Variants in CDH4 observed in about 807,000 individuals in gnomAD.
CDH4 encodes the protein cadherin 4.
CDH4 carries 33 observed loss-of-function variants against 86.0 expected under a neutral mutation model. That is an observed-to-expected ratio of 0.38 (90% CI 0.29 to 0.51). CDH4 has a LOEUF of 0.51. CDH4 is among the 20% of genes least tolerant of loss of function. The pLI is 0.86. For synonymous variants in CDH4, 555 were observed against 549.4 expected, an observed-to-expected ratio of 1.01 and a Z score of -0.14; for missense variants, 1,114 against 1,307.4, an observed-to-expected ratio of 0.85 and a Z score of 2.28.
chr20:61,891,608 G>C (rs976453904), intron 7 of CDH4, among the ~76,000 whole-genome samples: 2 of 152,238 alleles, frequency 1.3e-5, no homozygotes, highest in Non-Finnish European at 2.9e-5. Context: ...AGGGCTGCAT[G>C]ATGAGGCACA....
chr20:61,861,496 C>T (rs555843773), intron 6 of CDH4, among the ~76,000 whole-genome samples: 6 of 152,322 alleles, frequency 3.9e-5, no homozygotes, highest in South Asian at 2.1e-4. Context: ...GTCTCCTGAA[C>T]GCCCCTGCTA....
chr20:61,840,598 G>T (rs1312583975), intron 4 of CDH4, among the ~76,000 whole-genome samples: 3 of 152,230 alleles, frequency 2.0e-5, no homozygotes, highest in African/African-American at 7.2e-5. Flanking sequence ...TAACAAATGC[G>T]GAAGAGCGTG....
At chr20:61,485,920 C>T (rs1199198742) in intron 2 of CDH4, among the ~76,000 whole-genome samples, 2 of 152,242 alleles carry the variant, frequency 1.3e-5, no homozygotes, top group Non-Finnish European at 2.9e-5. Flanking sequence ...ACTCCCAACA[C>T]ACGCACCCAC....
At chr20:61,732,981 C>T (rs886485418) in intron 2 of CDH4, among the ~76,000 whole-genome samples, 3 of 152,146 alleles carry the variant, frequency 2.0e-5, no homozygotes, top group African/African-American at 7.2e-5. Context: ...CAGCTGGGGG[C>T]CTAATTCTCC....
chr20:61,661,093 G>GGGGGGGGGGC (rs907816921), intron 2 of CDH4, among the ~76,000 whole-genome samples: 3 of 102,206 alleles, frequency 2.9e-5, no homozygotes, highest in Non-Finnish European at 7.8e-5. Context: ...GCGGGGGGGG[G>GGGGGGGGGGC]GGAGACACAG....
intron 2 of CDH4, among the ~76,000 whole-genome samples, chr20:61,328,056 G>A (rs992275400): frequency 1.3e-5 from 2 of 152,224 alleles, no homozygotes; most frequent in African/African-American, 4.8e-5. Context: ...TTTTTAGAAA[G>A]ATATTTGTTA....
chr20:61,660,833 G>A lies in CDH4; in HGVS notation c.170-82730G>A, dbSNP rs2087246503. Reference sequence around the variant, plus strand: ...GGACTCCCGCGTGGAACACCCAGCAGGGGTGGAGGAGCCTCTTTGCCCGGT... The same window carrying A: ...GGACTCCCGCGTGGAACACCCAGCAAGGGTGGAGGAGCCTCTTTGCCCGGT... On this transcript the variant is annotated intron_variant, in intron 2 of 15. Transcript: ENST00000614565. 2.0e-5 allele frequency among the ~76,000 whole-genome samples: 3 copies of A among 152,324 alleles called. No individual in the cohort carries two copies. In the South Asian group the frequency reaches 6.2e-4, roughly 32 times the overall value.
intron 2 of CDH4, among the ~76,000 whole-genome samples, chr20:61,574,598 A>C (rs897358240): frequency 2.0e-5 from 3 of 152,212 alleles, no homozygotes; most frequent in Admixed American, 6.5e-5. Flanking sequence ...AAGTATAAAA[A>C]TATTGCAGAG....
chr20:61,772,409 C>G lies in CDH4; in HGVS notation c.397-594C>G, dbSNP rs574817218. 5.3e-5 allele frequency among the ~76,000 whole-genome samples: 8 copies of G among 152,308 alleles called. 1 individual carries two copies. The South Asian group carries it at 1.7e-3, about 32-fold the overall frequency. On this transcript the variant is annotated intron_variant, in intron 3 of 15. Transcript: ENST00000614565. The stretch of plus-strand genomic sequence containing the variant: ...TACTTAGATATGCATTATTTGATTA[C>G]TGGGAGATGTGGATATTTTTCATAA...
Position 61,637,755 on chromosome 20 carries a change from T to C in CDH4, c.170-105808T>C, listed in dbSNP as rs560911822. The stretch of plus-strand genomic sequence containing the variant: ...TGAAAATATGGCCGGGTGTGGTGGC[T>C]CATGCCTGTAATCCCAGCACTTTGG... On this transcript the variant is annotated intron_variant, in intron 2 of 15. Coordinates refer to ENST00000614565, the MANE Select transcript of CDH4 (RefSeq NM_001794.5). Among the ~76,000 whole-genome samples, 93 of 152,290 alleles carry C rather than the reference T, an allele frequency of 6.1e-4. 1 individual carries two copies. In the South Asian group the frequency reaches 0.019, roughly 32 times the overall value.
intron 2 of CDH4, among the ~76,000 whole-genome samples, chr20:61,287,016 A>C (rs554771559): frequency 6.6e-6 from 1 of 152,330 alleles, no homozygotes; most frequent in African/African-American, 2.4e-5. Context: ...GTGGGACACG[A>C]ATCCCCCAGC....
At chr20:61,883,904 A>G (rs1984412128) in intron 7 of CDH4, among the ~76,000 whole-genome samples, 1 of 152,184 alleles carries the variant, frequency 6.6e-6, no homozygotes, top group Non-Finnish European at 1.5e-5. Context: ...ACAGACAGAG[A>G]GAGGGGGAAG....
In CDH4 at chr20:61,807,989, C is replaced by A. The variant is rs1448557053; in HGVS notation, c.576+34807C>A. Among the ~76,000 whole-genome samples, 1 of 152,238 alleles carries A rather than the reference C, an allele frequency of 6.6e-6. No individual in the cohort carries two copies. The highest frequency in any genetic ancestry group is 2.1e-4 in the South Asian group (1 of 4,836). ...GCCATAGCAGCGATGAGCCCACACACGTCTCCAGCCCTGACAATGAACCAG... is the reference window on the plus strand; with the variant it reads ...GCCATAGCAGCGATGAGCCCACACAAGTCTCCAGCCCTGACAATGAACCAG... On this transcript the variant is annotated intron_variant, in intron 4 of 15. Coordinates refer to ENST00000614565, the MANE Select transcript of CDH4 (RefSeq NM_001794.5). The surrounding 1 kb of genome is among the most constrained non-coding windows in gnomAD (Gnocchi z 4.5).
intron 6 of CDH4, among the ~76,000 whole-genome samples, chr20:61,855,987 G>C (rs976330407): frequency 2.0e-5 from 3 of 152,116 alleles, no homozygotes; most frequent in South Asian, 2.1e-4. Flanking sequence ...AGCCCACCTC[G>C]GTCACCCTTC....
chr20:61,911,252 C>T (rs560023875), intron 9 of CDH4, among the ~76,000 whole-genome samples: 2 of 152,254 alleles, frequency 1.3e-5, no homozygotes, highest in East Asian at 3.9e-4. Flanking sequence ...GGTTCAATTT[C>T]TTTGATGGTT....
Position 61,930,694 on chromosome 20 carries a change from A to T in CDH4, c.2239+852A>T, listed in dbSNP as rs749968915. 9.2e-5 allele frequency among the ~76,000 whole-genome samples: 14 copies of T among 151,904 alleles called. 1 individual carries two copies. The highest frequency in any genetic ancestry group is 1.3e-4 in the Non-Finnish European group (9 of 67,962). On this transcript the variant is annotated intron_variant, in intron 13 of 15. Coordinates refer to ENST00000614565, the MANE Select transcript of CDH4 (RefSeq NM_001794.5). ...TTATGAGGACTCTGCTTTTTTCCCCATTTCCAGACCTATCACCCCTTGAAA... is the reference window on the plus strand; with the variant it reads ...TTATGAGGACTCTGCTTTTTTCCCCTTTTCCAGACCTATCACCCCTTGAAA...
rs118049056 is a variant in CDH4 at position 61,279,348 on chromosome 20, C to T, written c.169+24411C>T. 1.4e-3 allele frequency among the ~76,000 whole-genome samples: 220 copies of T among 152,256 alleles called. 1 individual carries two copies. The highest frequency in any genetic ancestry group is 4.3e-3 in the East Asian group (22 of 5,148). The stretch of plus-strand genomic sequence containing the variant: ...TTCCCTTTCTTTGGTTAGCACCTAC[C>T]GAGCCTCCTCCCAGGCAGCAAGGAA... On this transcript the variant is annotated intron_variant, in intron 2 of 15. Transcript: ENST00000614565.
At chr20:61,766,689 C>G (rs530255813) in intron 3 of CDH4, among the ~76,000 whole-genome samples, 3 of 152,206 alleles carry the variant, frequency 2.0e-5, no homozygotes, top group African/African-American at 7.2e-5. Context: ...CTGTGACGCC[C>G]CCACCCTGCT....
chr20:61,650,614 G>A (rs2087110886), intron 2 of CDH4, among the ~76,000 whole-genome samples: 1 of 152,102 alleles, frequency 6.6e-6, no homozygotes, highest in Non-Finnish European at 1.5e-5. Context: ...ACACACCCTG[G>A]CATGAGACAA....
Sources: allele counts gnomAD v4.1 joint callset (sites outside exome capture counted in the v4.1 genomes callset), GRCh38; gene constraint gnomAD v4.1.1; non-coding constraint Gnocchi (gnomAD v3.1); transcripts MANE v1.5; gene names NCBI Gene and HGNC (gene_info 2026-07-23, HGNC 2026-07-21).